RPRD1B: variants seen among roughly 807,000 people sequenced by gnomAD.
The protein encoded by RPRD1B is regulation of nuclear pre-mRNA domain containing 1B, also known as regulation of nuclear pre-mRNA domain-containing protein 1B.
RPRD1B carries 11 observed loss-of-function variants against 41.5 expected under a neutral mutation model. The ratio of observed to expected loss-of-function variants is 0.27; its 90% CI spans 0.17 to 0.44. The LOEUF (loss-of-function observed/expected upper bound fraction) is 0.44. Ranked by LOEUF, RPRD1B falls within the 20% of genes least tolerant of loss-of-function variation. The pLI is 1.00. For synonymous variants in RPRD1B, 158 were observed against 155.6 expected, an observed-to-expected ratio of 1.02 and a Z score of -0.12; for missense variants, 248 against 389.9, an observed-to-expected ratio of 0.64 and a Z score of 3.06.
intron 6 of RPRD1B, among the ~76,000 whole-genome samples, chr20:38,078,870 TC>T (rs2074488676): frequency 6.6e-6 from 1 of 152,216 alleles, no homozygotes; most frequent in Non-Finnish European, 1.5e-5. Context: ...CGGTCAAAGA[TC>T]CTTTCCTTTT....
At chr20:38,066,746 C>T (rs1054399521) in intron 6 of RPRD1B, among the ~76,000 whole-genome samples, 2 of 152,106 alleles carry the variant, frequency 1.3e-5, no homozygotes, top group Non-Finnish European at 2.9e-5. Flanking sequence ...AGCTCTGCCT[C>T]CCAGGTTCAC....
At chr20:38,054,680 A>G (rs1194126755) in intron 3 of RPRD1B, among the ~76,000 whole-genome samples, 2 of 152,224 alleles carry the variant, frequency 1.3e-5, no homozygotes, top group Non-Finnish European at 2.9e-5. Flanking sequence ...TGATGTTTAT[A>G]TATAATAATT....
At chr20:38,073,802 A>G (rs1445245701) in intron 6 of RPRD1B, among the ~76,000 whole-genome samples, 57 of 152,136 alleles carry the variant, frequency 3.7e-4, no homozygotes, top group Non-Finnish European at 1.0e-4. Flanking sequence ...TTATGTGAAC[A>G]CTTCAGGGTC....
chr20:38,059,611 A>T, intron 5 of RPRD1B, 91 bp downstream of exon 5: 1 of 1,255,832 alleles, frequency 8.0e-7, no homozygotes, highest in Non-Finnish European at 1.1e-6. Flanking sequence ...CTGCAGGTAT[A>T]GACTACTTTC....
chr20:38,045,242 T>G (rs1168151073), intron 2 of RPRD1B, among the ~76,000 whole-genome samples: 1 of 152,240 alleles, frequency 6.6e-6, no homozygotes, highest in Non-Finnish European at 1.5e-5. Context: ...GATTGTTCAG[T>G]CTTTTTTTCC....
chr20:38,036,011 G>A lies in RPRD1B; in HGVS notation c.151+1913G>A, dbSNP rs190976918. ...GATCTCCTGACCTTGTGATGCCCCC[G>A]CCTCGGCCTCCCAAAGTGCTGGTAT... On this transcript the variant is annotated intron_variant, in intron 1 of 6. Transcript: ENST00000373433. Among the ~76,000 whole-genome samples the A allele has an allele frequency of 7.4e-3, 1,123 of 152,000 alleles. 16 individuals carry two copies. Among genetic ancestry groups the A allele is most frequent in the African/African-American group, 0.025 (1,053 of 41,446 alleles).
At chr20:38,081,472 A>G (rs2074512079) in intron 6 of RPRD1B, among the ~76,000 whole-genome samples, 1 of 152,176 alleles carries the variant, frequency 6.6e-6, no homozygotes, top group Non-Finnish European at 1.5e-5. Context: ...GGGGTTTTCT[A>G]GCTATGGAAT....
chr20:38,047,209 T>G (rs182062552), intron 2 of RPRD1B, among the ~76,000 whole-genome samples: 2 of 152,344 alleles, frequency 1.3e-5, no homozygotes, highest in African/African-American at 4.8e-5. Flanking sequence ...GAACCCTCAC[T>G]TCTGACTTTA....
At chr20:38,078,237 C>T (rs911325071) in intron 6 of RPRD1B, among the ~76,000 whole-genome samples, 3 of 151,762 alleles carry the variant, frequency 2.0e-5, no homozygotes, top group Non-Finnish European at 4.4e-5. Flanking sequence ...GACTTGGCCC[C>T]TGCTGACTTC....
chr20:38,072,138 A>G (rs941446015), intron 6 of RPRD1B, among the ~76,000 whole-genome samples: 16 of 152,276 alleles, frequency 1.1e-4, no homozygotes, highest in Non-Finnish European at 1.6e-4. Context: ...TAGAAGTTTT[A>G]TAATTTTATG....
At chr20:38,055,445 A>G (rs1339260877) in intron 3 of RPRD1B, among the ~76,000 whole-genome samples, 2 of 149,354 alleles carry the variant, frequency 1.3e-5, no homozygotes, top group Non-Finnish European at 3.0e-5. Context: ...TTTCTTTAGC[A>G]TGCAGTTTTT....
In RPRD1B at chr20:38,091,437, T is replaced by C. The variant is rs1476420265; in HGVS notation, c.*1562T>C. ...AGCAGATACTCAGTTTAACTCTGTGTAGAACCTAGTAGTGTTTGAGCTGTT... is the reference window on the plus strand; with the variant it reads ...AGCAGATACTCAGTTTAACTCTGTGCAGAACCTAGTAGTGTTTGAGCTGTT... On this transcript the variant is annotated 3_prime_UTR_variant, in exon 7 of 7. Coordinates refer to ENST00000373433, the MANE Select transcript of RPRD1B (RefSeq NM_021215.4). 2.0e-6 allele frequency: 2 copies of C among 985,442 alleles called. No individual in the cohort carries two copies. The highest frequency in any genetic ancestry group is 2.4e-6 in the Non-Finnish European group (2 of 829,926). The allele number at this position is 985,442 out of a possible 1,614,324, so 61.0% of individuals were successfully genotyped here.
At chr20:38,034,579 G>A (rs1480774020) in intron 1 of RPRD1B, among the ~76,000 whole-genome samples, 1 of 152,160 alleles carries the variant, frequency 6.6e-6, no homozygotes, top group Non-Finnish European at 1.5e-5. Flanking sequence ...AGGGAGGCAA[G>A]GATAGCTACC....
Position 38,033,893 on chromosome 20 carries a change from T to C in RPRD1B, c.-55T>C, listed in dbSNP as rs1210368139. The C allele has an allele frequency of 6.6e-7, 1 of 1,518,704 alleles. No homozygotes were observed. The highest frequency in any genetic ancestry group is 8.8e-7 in the Non-Finnish European group (1 of 1,132,792). 94.1% of individuals were successfully genotyped at this position (1,518,704 alleles called of 1,614,324 possible). ...GGCCCCGGCCTCGTGCCGTCGCTCT[T>C]CCCGCCGCACTGGGCGGCCCAGGCC... is the stretch of plus-strand genomic sequence containing the variant. On this transcript the variant is annotated 5_prime_UTR_variant, in exon 1 of 7. Transcript: ENST00000373433.
At chr20:38,059,587 G>A in intron 5 of RPRD1B, 67 bp downstream of exon 5, 1 of 1,515,580 alleles carries the variant, frequency 6.6e-7, no homozygotes, top group South Asian at 1.2e-5. Flanking sequence ...GTAACCCTAG[G>A]CCATACTTAA....
In RPRD1B at chr20:38,090,325, C is replaced by T. The variant is rs923854475; in HGVS notation, c.*450C>T. 5.1e-6 allele frequency: 5 copies of T among 986,628 alleles called. No individual in the cohort carries two copies. The highest frequency in any genetic ancestry group is 1.1e-4 in the East Asian group (1 of 8,834). 61.1% of individuals were successfully genotyped at this position (986,628 alleles called of 1,614,324 possible). ...TCCACTAAGGCACTTGTCCTGGAGA[C>T]GTTGGCTTTCCCAGCTGCATCTGCC... is the stretch of plus-strand genomic sequence containing the variant. On this transcript the variant is annotated 3_prime_UTR_variant, in exon 7 of 7. Coordinates refer to ENST00000373433, the MANE Select transcript of RPRD1B (RefSeq NM_021215.4).
rs1034031736 is a variant in RPRD1B at position 38,082,968 on chromosome 20, C to A, written c.832-6758C>A. 3.9e-5 allele frequency among the ~76,000 whole-genome samples: 6 copies of A among 152,126 alleles called. No homozygotes were observed. In the South Asian group the frequency reaches 8.3e-4, roughly 21 times the overall value. On this transcript the variant is annotated intron_variant, in intron 6 of 6. Transcript: ENST00000373433. ...ACAACCAAATACACAAGCACACACA[C>A]AAAAAAATTTGTCTGTTAGTTTGTC...
intron 3 of RPRD1B, 141 bp from the exon 4 acceptor site, chr20:38,057,391 C>G: frequency 3.5e-6 from 2 of 576,788 alleles, no homozygotes; most frequent in Non-Finnish European, 3.2e-6. Flanking sequence ...TTTAAAATAA[C>G]TAGCATAAAG....
At chr20:38,088,052 GA>G (rs1203549783) in intron 6 of RPRD1B, among the ~76,000 whole-genome samples, 1 of 152,134 alleles carries the variant, frequency 6.6e-6, no homozygotes, top group Non-Finnish European at 1.5e-5. Context: ...AGTTTACAAA[GA>G]AAAGAAATGG....
Sources: gnomAD v4.1 joint callset for allele counts (sites outside exome capture counted in the v4.1 genomes callset) on GRCh38, gnomAD v4.1.1 for gene constraint, MANE v1.5 for transcripts, NCBI Gene and HGNC (gene_info 2026-07-23, HGNC 2026-07-21) for gene names.